The following BICC1 variants were observed in gnomAD, a reference collection of about 807,000 sequenced individuals.
The protein encoded by BICC1 is protein bicaudal C homolog 1.
Under a neutral mutation model 111.0 loss-of-function variants are expected in BICC1, and 43 were observed. The ratio of observed to expected loss-of-function variants is 0.39; its 90% CI spans 0.30 to 0.50. The LOEUF is 0.50. Among genes scored for constraint, BICC1 ranks in the 20% least tolerant of loss-of-function variants. BICC1 has a pLI of 0.88. For synonymous variants in BICC1, 467 were observed against 434.4 expected (o/e 1.07, Z -0.93); for missense variants, 1,091 against 1,203.2 (o/e 0.91, Z 1.38).
chr10:58,567,809 A>G (rs1219837031), intron 1 of BICC1, among the ~76,000 whole-genome samples: 2 of 152,064 alleles, frequency 1.3e-5, no homozygotes, highest in African/African-American at 2.4e-5. Flanking sequence ...TGTGCTTGGA[A>G]GTGTGAATAC....
chr10:58,762,082 A>G (rs1473833977), intron 3 of BICC1, among the ~76,000 whole-genome samples: 1 of 152,016 alleles, frequency 6.6e-6, no homozygotes, highest in Non-Finnish European at 1.5e-5. Context: ...TCCTCCACTC[A>G]TCTTTGTTGC....
intron 1 of BICC1, among the ~76,000 whole-genome samples, chr10:58,613,295 T>C (rs1157171129): frequency 2.0e-5 from 3 of 152,196 alleles, no homozygotes; most frequent in African/African-American, 7.2e-5. Context: ...GACGTTATAT[T>C]GTAAAGACAG....
intron 2 of BICC1, among the ~76,000 whole-genome samples, chr10:58,676,869 G>A (rs2132344011): frequency 6.6e-6 from 1 of 152,320 alleles, no homozygotes; most frequent in East Asian, 1.9e-4. Context: ...AGTAATTTTT[G>A]CTGTTCTGCA....
chr10:58,716,802 C>T (rs1840758850), intron 3 of BICC1, among the ~76,000 whole-genome samples: 1 of 149,760 alleles, frequency 6.7e-6, no homozygotes, highest in Non-Finnish European at 1.5e-5. Context: ...TTTGCTATCT[C>T]TTTAGCTAGC....
rs891531540 is a variant in BICC1, at chr10:58,562,918, A to G, written c.190+49585A>G. On this transcript the variant is annotated intron_variant, in intron 1 of 20. Transcript: ENST00000373886. ...CTGGGCTGTGGGTGTTTCTGTAGGC[A>G]GTGGCACAGCTTTTTTGGTGTGGGG... 5.9e-5 allele frequency among the ~76,000 whole-genome samples: 9 copies of G among 152,160 alleles called. No individual in the cohort carries two copies. The South Asian group carries it at 1.0e-3, about 18-fold the overall frequency.
chr10:58,599,192 C>T (rs1043688441), intron 1 of BICC1, among the ~76,000 whole-genome samples: 3 of 152,174 alleles, frequency 2.0e-5, no homozygotes, highest in Non-Finnish European at 4.4e-5. Context: ...TATAAAGACA[C>T]ATGCACACAT....
At chr10:58,761,780 A>G (rs1701282508) in intron 3 of BICC1, among the ~76,000 whole-genome samples, 1 of 152,116 alleles carries the variant, frequency 6.6e-6, no homozygotes. Flanking sequence ...GCAGTATATC[A>G]TTATCTTTAG....
At chr10:58,614,524 G>C (rs12784509) in intron 1 of BICC1, among the ~76,000 whole-genome samples, 35,543 of 152,134 alleles carry the variant, frequency 0.23, 4,675 homozygotes, top group African/African-American at 0.35. Context: ...CTTCTTGCCT[G>C]CTGTTTTCCC....
intron 3 of BICC1, among the ~76,000 whole-genome samples, chr10:58,769,279 TCTC>T (rs1842544379): frequency 5.7e-5 from 4 of 69,954 alleles, no homozygotes; most frequent in Admixed American, 2.1e-4. Context: ...TTTTAAATGT[TCTC>T]AACACACACA....
At chr10:58,637,456 A>G (rs1837984104) in intron 2 of BICC1, among the ~76,000 whole-genome samples, 1 of 152,226 alleles carries the variant, frequency 6.6e-6, no homozygotes. Context: ...TTCTTGTTTC[A>G]GGAGCTGCCA....
chr10:58,652,231 A>C (rs1257141816), intron 2 of BICC1, among the ~76,000 whole-genome samples: 1 of 152,148 alleles, frequency 6.6e-6, no homozygotes, highest in Non-Finnish European at 1.5e-5. Flanking sequence ...TTTCAAATGC[A>C]GCTGAAATAG....
intron 1 of BICC1, among the ~76,000 whole-genome samples, chr10:58,608,258 T>C (rs758329574): frequency 2.6e-4 from 39 of 152,144 alleles, no homozygotes; most frequent in Non-Finnish European, 5.0e-4. Flanking sequence ...GGAACACCTG[T>C]GTGAAGAGTG....
chr10:58,578,936 G>A (rs1388124258), intron 1 of BICC1, among the ~76,000 whole-genome samples: 1 of 152,172 alleles, frequency 6.6e-6, no homozygotes, highest in Non-Finnish European at 1.5e-5. Flanking sequence ...CCTTGGCAGT[G>A]CCTTTTAAGA....
At chr10:58,758,623 A>G (rs554882411) in intron 3 of BICC1, among the ~76,000 whole-genome samples, 2 of 152,326 alleles carry the variant, frequency 1.3e-5, no homozygotes, top group East Asian at 1.9e-4. Context: ...TCAACCCTGT[A>G]AATAATTACC....
chr10:58,664,469 CTG>C (rs71467048), intron 2 of BICC1, among the ~76,000 whole-genome samples: 104,706 of 151,904 alleles, frequency 0.69, 39,681 homozygotes, highest in East Asian at 0.87. Context: ...TTTCCTCAGT[CTG>C]TGGCTTTGTT....
chr10:58,595,923 G>C (rs1408934544), intron 1 of BICC1, among the ~76,000 whole-genome samples: 2 of 152,110 alleles, frequency 1.3e-5, no homozygotes, highest in African/African-American at 2.4e-5. Context: ...GTGAATCCAG[G>C]AGCTGATTTT....
In BICC1 at chr10:58,571,788, C is replaced by T. The variant is rs149158515; in HGVS notation, c.191-49067C>T. 4.4e-3 allele frequency among the ~76,000 whole-genome samples: 673 copies of T among 152,070 alleles called. 5 individuals are homozygous for T. The highest frequency in any genetic ancestry group is 0.015 in the African/African-American group (636 of 41,480). On this transcript the variant is annotated intron_variant, in intron 1 of 20. Coordinates refer to ENST00000373886, the MANE Select transcript of BICC1 (RefSeq NM_001080512.3). ...ATGTCTTTGCTATTGTGAAAAATGG[C>T]GCAGTGAACATATGTGTGCATGTGT...
chr10:58,585,706 A>G (rs1370217821), intron 1 of BICC1, among the ~76,000 whole-genome samples: 1 of 152,182 alleles, frequency 6.6e-6, no homozygotes, highest in Non-Finnish European at 1.5e-5. Context: ...TTTTTAGTGG[A>G]GTAATCAGAA....
At position 58,796,340 on chromosome 10, in the gene BICC1, T is replaced by G. The variant is rs747902764; in HGVS notation, c.1180T>G (p.Ser394Ala). ...TTTCCCCCATTATGTGTTTTCATAG[T>G]CTGTGATTGTGAAAAGTGTTGAGCG... ...IKPKPKQPSK[S>A]VIVKSVERNA... Residue 394 changes from serine to alanine, a missense_variant and splice_region_variant, in exon 10 of 21, where the codon TCT (serine) becomes GCT (alanine). Coordinates refer to ENST00000373886, the MANE Select transcript of BICC1 (RefSeq NM_001080512.3). The G allele has an allele frequency of 6.2e-7, 1 of 1,613,424 alleles. No homozygotes were observed. Among genetic ancestry groups the G allele is most frequent in the South Asian group, 1.1e-5 (1 of 90,994 alleles).
Sources: gnomAD v4.1 joint callset for allele counts (sites outside exome capture counted in the v4.1 genomes callset) on GRCh38, gnomAD v4.1.1 for gene constraint, MANE v1.5 for transcripts, NCBI Gene and HGNC (gene_info 2026-07-23, HGNC 2026-07-21) for gene names.